The following C4orf17 variants were observed in gnomAD, a reference collection of about 807,000 sequenced individuals.
The protein encoded by C4orf17 is chromosome 4 open reading frame 17.
In C4orf17, 25 loss-of-function variants were observed where a neutral mutation model predicts 32.0. The observed-to-expected ratio is 0.78, with a 90% CI of 0.57 to 1.09. The LOEUF (loss-of-function observed/expected upper bound fraction) is 1.09, where lower values mean the gene tolerates loss of function less well. Ranked by LOEUF, C4orf17 falls within the 50% of genes least tolerant of loss-of-function variation. The pLI, the probability that C4orf17 is intolerant of heterozygous loss-of-function variation, is 0.00. For missense variants in C4orf17, 420 were observed against 420.0 expected, an observed-to-expected ratio of 1.00 and a Z score of 0.00; for synonymous variants, 149 against 145.8, an observed-to-expected ratio of 1.02 and a Z score of -0.16.
chr4:99,524,140 C>T (rs143158715), intron 3 of C4orf17, among the ~76,000 whole-genome samples: 16,095 of 151,782 alleles, frequency 0.11, 1,106 homozygotes, highest in Non-Finnish European at 0.13. Context: ...CCACCACGCC[C>T]GGCTAATTTT....
chr4:99,525,533 A>G (rs1394456439), intron 4 of C4orf17, among the ~76,000 whole-genome samples: 1 of 152,106 alleles, frequency 6.6e-6, no homozygotes, highest in Non-Finnish European at 1.5e-5. Flanking sequence ...AGTGGCTCAC[A>G]CCTGTAATCC....
chr4:99,537,325 C>G lies in C4orf17; in HGVS notation c.547-344C>G, dbSNP rs1408617187. The stretch of plus-strand genomic sequence containing the variant: ...TGGACACTCAGCTGGACTGGCAAAA[C>G]AGAATATCTGTGTGTCAGTGTATGT... On this transcript the variant is annotated intron_variant, in intron 5 of 8. Transcript: ENST00000326581. Among the ~76,000 whole-genome samples the G allele has an allele frequency of 2.6e-5, 4 of 152,284 alleles. No individual in the cohort carries two copies. In the East Asian group the frequency reaches 7.7e-4, roughly 29 times the overall value.
In C4orf17 at chr4:99,521,910, G is replaced by C. The variant is rs149368850; in HGVS notation, c.128-590G>C. ...AAAGTGAATAGTTATTTTTAGGAGAGAGAGTGAACCCAGAAGTCTCTCACA... is the reference window on the plus strand; with the variant it reads ...AAAGTGAATAGTTATTTTTAGGAGACAGAGTGAACCCAGAAGTCTCTCACA... On this transcript the variant is annotated intron_variant, in intron 2 of 8. Transcript: ENST00000326581. Among the ~76,000 whole-genome samples the C allele has an allele frequency of 2.0e-5, 3 of 152,292 alleles. No homozygotes were observed. In the East Asian group the frequency reaches 5.8e-4, roughly 29 times the overall value.
intron 5 of C4orf17, among the ~76,000 whole-genome samples, chr4:99,530,892 G>A (rs1723467490): frequency 1.3e-5 from 2 of 152,054 alleles, no homozygotes; most frequent in Admixed American, 1.3e-4. Flanking sequence ...ATATTATACA[G>A]AGTCTTCAGA....
intron 8 of C4orf17, 52 bp from the exon 9 acceptor site, chr4:99,541,858 T>G: frequency 1.6e-6 from 2 of 1,252,268 alleles, no homozygotes; most frequent in South Asian, 2.6e-5. Flanking sequence ...ATGGAGAAGG[T>G]GTATTCAGTG....
intron 2 of C4orf17, among the ~76,000 whole-genome samples, chr4:99,521,673 G>A (rs1723288766): frequency 6.6e-6 from 1 of 152,190 alleles, no homozygotes; most frequent in Admixed American, 6.5e-5. Context: ...ATGAGCAAGT[G>A]TAGAAAACAC....
chr4:99,525,651 C>T (rs1179707832), intron 4 of C4orf17, among the ~76,000 whole-genome samples: 1 of 151,862 alleles, frequency 6.6e-6, no homozygotes, highest in Non-Finnish European at 1.5e-5. Flanking sequence ...AAAAATTAGT[C>T]GGGCTTGGTG....
Position 99,529,919 on chromosome 4 carries a change from C to T in C4orf17, c.507C>T (p.Asn169=). ...GTACCAAGAATGATGTGAAAGCAAA[C>T]ACCATTTGCATACCAAACTATCTGG... ...MTSTKNDVKA[N]TICIPNYLDQ... The change falls in exon 5 of 9, where the codon AAC becomes AAT. Residue 169 remains asparagine (N), a synonymous_variant. Transcript: ENST00000326581. The T allele has an allele frequency of 6.2e-7, 1 of 1,612,584 alleles. No individual in the cohort carries two copies. Among genetic ancestry groups the T allele is most frequent in the Non-Finnish European group, 8.5e-7 (1 of 1,179,164 alleles).
At chr4:99,536,703 A>C (rs1723568310) in intron 5 of C4orf17, among the ~76,000 whole-genome samples, 1 of 152,192 alleles carries the variant, frequency 6.6e-6, no homozygotes, top group Non-Finnish European at 1.5e-5. Context: ...GGAGCAGGGC[A>C]GATGGGGCCA....
rs954995223 is a variant in C4orf17, at chr4:99,511,114, G to A, written c.-252G>A. On this transcript the variant is annotated 5_prime_UTR_variant, in exon 1 of 9. Coordinates refer to ENST00000326581, the MANE Select transcript of C4orf17 (RefSeq NM_032149.3). ...CAGCTGTATTCTTTTGGAAGCGTTC[G>A]AGATTGGTCTGTCTCTACCAACTAA... 2 of 152,126 alleles carry A rather than the reference G, an allele frequency of 1.3e-5. No homozygotes were observed. Among genetic ancestry groups the A allele is most frequent in the African/African-American group, 2.4e-5 (1 of 41,428 alleles). 9.4% of individuals were successfully genotyped at this position (152,126 alleles called of 1,614,324 possible).
intron 4 of C4orf17, among the ~76,000 whole-genome samples, chr4:99,528,917 A>C (rs935677386): frequency 2.0e-5 from 3 of 152,156 alleles, no homozygotes; most frequent in Non-Finnish European, 4.4e-5. Flanking sequence ...AGAAAAAAAA[A>C]TTGGATTTGT....
At chr4:99,522,876 T>C (rs931535404) in intron 3 of C4orf17, among the ~76,000 whole-genome samples, 167 bp downstream of exon 3, 1 of 152,202 alleles carries the variant, frequency 6.6e-6, no homozygotes, top group African/African-American at 2.4e-5. Context: ...TCTAATCTCA[T>C]CAGTAGCACA....
chr4:99,519,735 T>C (rs1560585979), intron 2 of C4orf17, among the ~76,000 whole-genome samples: 1 of 152,126 alleles, frequency 6.6e-6, no homozygotes, highest in Non-Finnish European at 1.5e-5. Context: ...AGGACCTCAC[T>C]AGACATTGGG....
At chr4:99,537,544 T>G in intron 5 of C4orf17, 125 bp from the exon 6 acceptor site, 1 of 687,370 alleles carries the variant, frequency 1.5e-6, no homozygotes, top group East Asian at 2.6e-5. Flanking sequence ...AAATCCCAAT[T>G]AACTAAATTG....
chr4:99,529,865 TC>T lies in C4orf17; in HGVS notation c.455del (p.Pro152LeufsTer8), dbSNP rs1306613287. The part of the protein sequence containing the change: ...PPSPPKACST[P>X]GSCSSGMTST... ...CATCACCTCCAAAGGCATGCTCTACTCCTGGCTCCTGTTCTTCAGGGATGAC... is the reference window on the plus strand; with the variant it reads ...CATCACCTCCAAAGGCATGCTCTACTCTGGCTCCTGTTCTTCAGGGATGAC... On this transcript the variant is annotated frameshift_variant, in exon 5 of 9. Coordinates refer to ENST00000326581, the MANE Select transcript of C4orf17 (RefSeq NM_032149.3). LOFTEE classifies it high-confidence loss of function. 1 of 1,613,264 alleles carries T rather than the reference TC, an allele frequency of 6.2e-7. No homozygotes were observed. Among genetic ancestry groups the T allele is most frequent in the African/African-American group, 1.3e-5 (1 of 74,906 alleles).
At chr4:99,537,395 G>A (rs1327287451) in intron 5 of C4orf17, among the ~76,000 whole-genome samples, 1 of 152,074 alleles carries the variant, frequency 6.6e-6, no homozygotes, top group African/African-American at 2.4e-5. Flanking sequence ...GCAGACCCCC[G>A]CAGCTAATGC....
At chr4:99,518,542 T>TAGAGAG (rs1474420492) in intron 2 of C4orf17, among the ~76,000 whole-genome samples, 5 of 60,140 alleles carry the variant, frequency 8.3e-5, no homozygotes, top group Admixed American at 1.8e-4. Flanking sequence ...TATATATATA[T>TAGAGAG]ATAGAGAGAG....
At chr4:99,521,170 G>C (rs564017002) in intron 2 of C4orf17, among the ~76,000 whole-genome samples, 1 of 152,180 alleles carries the variant, frequency 6.6e-6, no homozygotes, top group South Asian at 2.1e-4. Context: ...TCAGGAGTTC[G>C]AGACCAGCCT....
chr4:99,514,698 G>C (rs1387540410), intron 2 of C4orf17, among the ~76,000 whole-genome samples: 1 of 152,154 alleles, frequency 6.6e-6, no homozygotes, highest in Non-Finnish European at 1.5e-5. Flanking sequence ...ACAGTATGTA[G>C]ATTCCTTAAA....
Sources: gnomAD v4.1 joint callset for allele counts (sites outside exome capture counted in the v4.1 genomes callset) on GRCh38, gnomAD v4.1.1 for gene constraint, MANE v1.5 for transcripts, NCBI Gene and HGNC (gene_info 2026-07-23, HGNC 2026-07-21) for gene names.